Variants in COL24A1 observed in about 807,000 individuals in gnomAD.
COL24A1 encodes collagen type XXIV alpha 1 chain, also known as collagen alpha-1(XXIV) chain.
Under a neutral mutation model 253.9 loss-of-function variants are expected in COL24A1, and 224 were observed. The observed-to-expected ratio is 0.88, with a 90% CI of 0.79 to 0.99. The LOEUF is 0.99. Among genes scored for constraint, COL24A1 ranks in the 50% least tolerant of loss-of-function variants. COL24A1 has a pLI of 0.00. For missense variants in COL24A1, 2,131 were observed against 2,068.5 expected (o/e 1.03, Z -0.59); for synonymous variants, 685 against 673.7 (o/e 1.02, Z -0.26).
chr1:85,894,679 C>T (rs911510841), intron 31 of COL24A1, among the ~76,000 whole-genome samples: 6 of 151,974 alleles, frequency 3.9e-5, no homozygotes, highest in Non-Finnish European at 7.4e-5. Context: ...ATAATAGAAA[C>T]TCAGGTGATG....
At chr1:85,790,458 G>C (rs1283035663) in intron 47 of COL24A1, among the ~76,000 whole-genome samples, 2 of 151,102 alleles carry the variant, frequency 1.3e-5, no homozygotes, top group Non-Finnish European at 2.9e-5. Context: ...TTCTTTATTA[G>C]ATAGCTAATG....
chr1:86,003,094 T>C (rs1215499824), intron 19 of COL24A1, among the ~76,000 whole-genome samples: 1 of 152,178 alleles, frequency 6.6e-6, no homozygotes, highest in Non-Finnish European at 1.5e-5. Context: ...CCTATGGCAG[T>C]TTGCAGTGAG....
Position 85,784,356 on chromosome 1 carries a change from C to A in COL24A1, c.4070G>T (p.Gly1357Val), listed in dbSNP as rs536864422. The A allele has an allele frequency of 7.4e-6, 12 of 1,612,754 alleles. No homozygotes were observed. The highest frequency in any genetic ancestry group is 1.0e-5 in the Non-Finnish European group (12 of 1,178,980). ...TTGAATTCCAGGTTGACCAGGTAGCCCTTGTTCACCCTATGGGTAGAACAA... is the reference window on the plus strand; with the variant it reads ...TTGAATTCCAGGTTGACCAGGTAGCACTTGTTCACCCTATGGGTAGAACAA... Reference protein sequence around the residue: ...PGIQGPKGEQGLPGQPGIQGK... With the variant: ...PGIQGPKGEQVLPGQPGIQGK... The change falls in exon 49 of 60, where the codon GGG becomes GTG. Residue 1357 changes from glycine (G) to valine (V), a missense_variant. Coordinates refer to ENST00000370571, the MANE Select transcript of COL24A1 (RefSeq NM_152890.7).
At chr1:85,956,061 AAG>A (rs1267861094) in intron 24 of COL24A1, among the ~76,000 whole-genome samples, 1 of 152,246 alleles carries the variant, frequency 6.6e-6, no homozygotes, top group African/African-American at 2.4e-5. Context: ...TGATGCAGAA[AAG>A]AGAGACTTGG....
rs1309146415 is a variant in COL24A1, at chr1:85,784,298, A to G, written c.4128T>C (p.Asp1376=). The G allele has an allele frequency of 1.9e-6, 3 of 1,613,954 alleles. No homozygotes were observed. Among genetic ancestry groups the G allele is most frequent in the Admixed American group, 1.7e-5 (1 of 59,988 alleles). The change falls in exon 49 of 60, where the codon GAT becomes GAC. Residue 1376 remains aspartate (D), a synonymous_variant. Coordinates refer to ENST00000370571, the MANE Select transcript of COL24A1 (RefSeq NM_152890.7). The part of the protein sequence containing the change: ...GKRGHRGAQG[D]QGPCGDPGLK... ...GGCCAGGGTCTCCACATGGTCCTTGATCACCTTGTGCTCCTCGGTGACCTC... is the reference window on the plus strand; with the variant it reads ...GGCCAGGGTCTCCACATGGTCCTTGGTCACCTTGTGCTCCTCGGTGACCTC...
At chr1:85,872,840 G>A (rs1408818722) in intron 35 of COL24A1, among the ~76,000 whole-genome samples, 1 of 152,128 alleles carries the variant, frequency 6.6e-6, no homozygotes, top group Non-Finnish European at 1.5e-5. Context: ...TGACAAATGG[G>A]ATCTAATTAA....
chr1:85,957,552 C>T (rs1439386813), intron 24 of COL24A1, among the ~76,000 whole-genome samples: 3 of 152,126 alleles, frequency 2.0e-5, no homozygotes, highest in Non-Finnish European at 2.9e-5. Context: ...GTTTAGTTAT[C>T]AAAGGCCTAA....
At chr1:85,823,764 T>G in intron 43 of COL24A1, 26 bp from the exon 44 acceptor site, 1 of 1,598,160 alleles carries the variant, frequency 6.3e-7, no homozygotes, top group East Asian at 2.2e-5. Flanking sequence ...ATTACATTAT[T>G]AGAGTAAGTA....
At chr1:85,800,285 G>A (rs142787217) in intron 47 of COL24A1, among the ~76,000 whole-genome samples, 60 of 152,128 alleles carry the variant, frequency 3.9e-4, no homozygotes, top group Non-Finnish European at 7.5e-4. Flanking sequence ...AGAACCAAAT[G>A]TCTCCATTGA....
At chr1:85,910,259 T>C (rs1277304153) in intron 25 of COL24A1, among the ~76,000 whole-genome samples, 1 of 151,942 alleles carries the variant, frequency 6.6e-6, no homozygotes, top group African/African-American at 2.4e-5. Context: ...AAAATAGAAA[T>C]TATGGATAAA....
chr1:85,798,775 T>A (rs1380276600), intron 47 of COL24A1, among the ~76,000 whole-genome samples: 1 of 152,242 alleles, frequency 6.6e-6, no homozygotes, highest in East Asian at 1.9e-4. Context: ...TGTGTTCACC[T>A]GGAAAACTGC....
chr1:85,762,169 G>A (rs565913513), intron 53 of COL24A1, among the ~76,000 whole-genome samples: 1 of 152,268 alleles, frequency 6.6e-6, no homozygotes, highest in African/African-American at 2.4e-5. Context: ...CAAAGGCCCT[G>A]TACATCTGTT....
intron 2 of COL24A1, among the ~76,000 whole-genome samples, chr1:86,130,995 T>C (rs1011989922): frequency 6.6e-6 from 1 of 152,036 alleles, no homozygotes; most frequent in Non-Finnish European, 1.5e-5. Flanking sequence ...CTTTTCAGAA[T>C]TGATTTTTTG....
At chr1:85,772,119 G>T (rs1272749216) in intron 53 of COL24A1, among the ~76,000 whole-genome samples, 2 of 150,090 alleles carry the variant, frequency 1.3e-5, no homozygotes, top group African/African-American at 2.4e-5. Flanking sequence ...TCCCTACAAA[G>T]GACATGAACT....
At chr1:85,877,254 T>A in intron 32 of COL24A1, 79 bp from the exon 33 acceptor site, 2 of 976,236 alleles carry the variant, frequency 2.0e-6, no homozygotes, top group Non-Finnish European at 3.0e-6. Context: ...GATATGGGTT[T>A]TATAATATAA....
intron 2 of COL24A1, among the ~76,000 whole-genome samples, chr1:86,131,361 GTT>G (rs1035038702): frequency 1.3e-5 from 2 of 151,216 alleles, no homozygotes; most frequent in African/African-American, 2.4e-5. Flanking sequence ...CATAGTTTTG[GTT>G]TTCTTTTTTA....
At chr1:85,745,372 C>T in intron 56 of COL24A1, 69 bp downstream of exon 56, 2 of 1,163,528 alleles carry the variant, frequency 1.7e-6, no homozygotes, top group South Asian at 1.7e-5. Context: ...TTTTGGCCTC[C>T]AAAAATTTTC....
intron 45 of COL24A1, among the ~76,000 whole-genome samples, chr1:85,819,759 A>C (rs1400341297): frequency 6.6e-6 from 1 of 152,156 alleles, no homozygotes; most frequent in Non-Finnish European, 1.5e-5. Flanking sequence ...AAAGAAGAAG[A>C]AAAAGAGAAG....
intron 19 of COL24A1, among the ~76,000 whole-genome samples, chr1:85,997,201 T>C (rs748751435): frequency 6.6e-6 from 1 of 151,398 alleles, no homozygotes; most frequent in Non-Finnish European, 1.5e-5. Flanking sequence ...TACTTTCCTT[T>C]GGAGAAAGGA....
Sources: gnomAD v4.1 joint callset for allele counts (sites outside exome capture counted in the v4.1 genomes callset) on GRCh38, gnomAD v4.1.1 for gene constraint, MANE v1.5 for transcripts, NCBI Gene and HGNC (gene_info 2026-07-23, HGNC 2026-07-21) for gene names.